MKLN1: variants seen among roughly 807,000 people sequenced by gnomAD.
The protein encoded by MKLN1 is muskelin 1, also known as muskelin.
A neutral mutation model predicts 99.0 loss-of-function variants in MKLN1; 18 were observed. That is an observed-to-expected ratio of 0.18 (90% CI 0.13 to 0.27). MKLN1 has a LOEUF of 0.27. Among genes scored for constraint, MKLN1 ranks in the 10% least tolerant of loss-of-function variants. The pLI, the probability that MKLN1 is intolerant of heterozygous loss-of-function variation, is 1.00. For synonymous variants in MKLN1, 288 were observed against 293.2 expected (o/e 0.98, Z 0.18); for missense variants, 621 against 875.9 (o/e 0.71, Z 3.67).
intron 1 of MKLN1, chr7:131,328,369 C>A: frequency 3.8e-6 from 1 of 265,608 alleles, no homozygotes; most frequent in Non-Finnish European, 7.4e-6. Flanking sequence ...GGCAAACTAC[C>A]CCGAATGTCT....
chr7:131,347,168 TTAGAAACAAAA>T (rs1356548044), intron 1 of MKLN1, among the ~76,000 whole-genome samples: 2 of 152,040 alleles, frequency 1.3e-5, no homozygotes, highest in African/African-American at 4.8e-5. Context: ...TAGAAAGAGA[TTAGAAACAAAA>T]TAGAAACGAA....
chr7:131,275,575 T>A (rs1156763660), intron 3 of MKLN1, among the ~76,000 whole-genome samples: 82 of 87,474 alleles, frequency 9.4e-4, no homozygotes, highest in African/African-American at 2.6e-3. Context: ...ATATTTTTTT[T>A]TTTTTTTTTT....
intron 3 of MKLN1, among the ~76,000 whole-genome samples, chr7:131,214,490 G>A (rs958053417): frequency 6.6e-6 from 1 of 152,158 alleles, no homozygotes; most frequent in Non-Finnish European, 1.5e-5. Context: ...TCACTCTGAG[G>A]GGACAAGCTG....
At chr7:131,312,167 C>T (rs1456109346) in intron 3 of MKLN1, among the ~76,000 whole-genome samples, 1 of 152,002 alleles carries the variant, frequency 6.6e-6, no homozygotes, top group Non-Finnish European at 1.5e-5. Flanking sequence ...GGATTACAGG[C>T]ACCTATCACC....
intron 3 of MKLN1, among the ~76,000 whole-genome samples, chr7:131,224,833 G>T (rs556661148): frequency 6.6e-6 from 1 of 152,010 alleles, no homozygotes; most frequent in African/African-American, 2.4e-5. Context: ...CAGCACTTTG[G>T]GGGGCCGAGG....
chr7:131,275,548 TA>T (rs1246571402), intron 3 of MKLN1, among the ~76,000 whole-genome samples: 1 of 19,706 alleles, frequency 5.1e-5, no homozygotes, highest in African/African-American at 2.4e-4. Flanking sequence ...TATATATATA[TA>T]TATATATATA....
chr7:131,421,873 A>G (rs1795205243), intron 8 of MKLN1, among the ~76,000 whole-genome samples: 1 of 152,200 alleles, frequency 6.6e-6, no homozygotes, highest in African/African-American at 2.4e-5. Context: ...TTATTTTGGT[A>G]TATTTGTTTA....
intron 2 of MKLN1, among the ~76,000 whole-genome samples, chr7:131,201,191 T>A (rs947975321): frequency 6.6e-6 from 1 of 152,192 alleles, no homozygotes; most frequent in African/African-American, 2.4e-5. Context: ...GGCTAACTTT[T>A]GTATTTTTAG....
At chr7:131,268,890 A>T (rs1253899538) in intron 3 of MKLN1, among the ~76,000 whole-genome samples, 2 of 152,246 alleles carry the variant, frequency 1.3e-5, no homozygotes, top group East Asian at 3.8e-4. Context: ...CCTACCATTA[A>T]TGTCTCGGTC....
intron 3 of MKLN1, among the ~76,000 whole-genome samples, chr7:131,245,358 C>T (rs1212272075): frequency 2.7e-5 from 4 of 149,786 alleles, no homozygotes; most frequent in Non-Finnish European, 5.9e-5. Context: ...ACCTCTGTCT[C>T]CTAGGTTCAA....
chr7:131,276,975 A>G (rs1797984066), intron 3 of MKLN1, among the ~76,000 whole-genome samples: 1 of 152,196 alleles, frequency 6.6e-6, no homozygotes, highest in Non-Finnish European at 1.5e-5. Context: ...GTTCAGATTT[A>G]TGCTTTGATG....
chr7:131,122,914 T>C (rs1449390720), intron 1 of MKLN1, among the ~76,000 whole-genome samples: 1 of 146,354 alleles, frequency 6.8e-6, no homozygotes, highest in Non-Finnish European at 1.5e-5. Context: ...TCCCAGCTAC[T>C]CGGGAGGCTG....
chr7:131,484,632 C>T (rs1218206023), intron 17 of MKLN1, among the ~76,000 whole-genome samples: 3 of 152,092 alleles, frequency 2.0e-5, no homozygotes, highest in Middle Eastern at 3.2e-3. Flanking sequence ...GAATCAATAT[C>T]TTCTTTTAAA....
At chr7:131,376,874 TATG>T (rs1421573416) in intron 2 of MKLN1, among the ~76,000 whole-genome samples, 1 of 151,994 alleles carries the variant, frequency 6.6e-6, no homozygotes, top group African/African-American at 2.4e-5. Context: ...ATAAATATTT[TATG>T]ATTTAATTTT....
At chr7:131,167,546 T>C (rs1796144027) in intron 2 of MKLN1, among the ~76,000 whole-genome samples, 1 of 151,654 alleles carries the variant, frequency 6.6e-6, no homozygotes, top group South Asian at 2.1e-4. Flanking sequence ...ATGGCACATA[T>C]CTGTGGTCGC....
chr7:131,312,180 A>G (rs1383587649), intron 3 of MKLN1, among the ~76,000 whole-genome samples: 1 of 151,812 alleles, frequency 6.6e-6, no homozygotes, highest in Admixed American at 6.6e-5. Flanking sequence ...CTATCACCAT[A>G]CCCAGCTAAT....
chr7:131,319,930 G>C (rs563499743), intron 3 of MKLN1, among the ~76,000 whole-genome samples: 1 of 152,240 alleles, frequency 6.6e-6, no homozygotes, highest in Admixed American at 6.5e-5. Context: ...GAAATGAGAG[G>C]ACTCAAACAA....
chr7:131,388,112 A>G (rs780558471), intron 3 of MKLN1, among the ~76,000 whole-genome samples: 9 of 152,212 alleles, frequency 5.9e-5, no homozygotes, highest in Non-Finnish European at 1.0e-4. Flanking sequence ...GGTTGCAGTG[A>G]GCCAAGATCG....
chr7:131,143,746 T>A (rs1795775286), intron 2 of MKLN1, among the ~76,000 whole-genome samples: 1 of 152,078 alleles, frequency 6.6e-6, no homozygotes, highest in Non-Finnish European at 1.5e-5. Context: ...GAGGATCACT[T>A]GAGACCAGGA....
Sources: allele counts gnomAD v4.1 joint callset (sites outside exome capture counted in the v4.1 genomes callset), GRCh38; gene constraint gnomAD v4.1.1; transcripts MANE v1.5; gene names NCBI Gene and HGNC (gene_info 2026-07-23, HGNC 2026-07-21).